KIF27: variants seen among roughly 807,000 people sequenced by gnomAD.
The protein encoded by KIF27 is kinesin family member 27, also known as kinesin-like protein KIF27.
A neutral mutation model predicts 141.8 loss-of-function variants in KIF27; 84 were observed. The ratio of observed to expected loss-of-function variants is 0.59; its 90% CI spans 0.50 to 0.71. The LOEUF is 0.71. Among genes scored for constraint, KIF27 ranks in the 30% least tolerant of loss-of-function variants. KIF27 has a pLI of 0.00. For synonymous variants in KIF27, 471 were observed against 569.5 expected (o/e 0.83, Z 2.46); for missense variants, 1,306 against 1,628.4 (o/e 0.80, Z 3.41).
Position 83,837,424 on chromosome 9 carries a change from T to G in KIF27, c.3783A>C (p.Leu1261Phe). Reference sequence around the variant, plus strand: ...TACTTTCAGGTCTGGATGCCCATTTTAATTCTTCTGAAAGCATGCCTCCTC... The same window carrying G: ...TACTTTCAGGTCTGGATGCCCATTTGAATTCTTCTGAAAGCATGCCTCCTC... Reference protein sequence around the residue: ...PEGGGMLSEELKWASRPESMK... With the variant: ...PEGGGMLSEEFKWASRPESMK... The change falls in exon 18 of 18, where the codon TTA becomes TTC. Residue 1261 changes from leucine (L) to phenylalanine (F), a missense_variant. Leu to Phe is a conservative substitution (Grantham distance 22). This residue lies in a region of KIF27 where 148 missense variants were observed against 250.9 expected (regional missense o/e 0.59). Coordinates refer to ENST00000297814, the MANE Select transcript of KIF27 (RefSeq NM_017576.4). 1 of 1,613,364 alleles carries G rather than the reference T, an allele frequency of 6.2e-7. No individual in the cohort carries two copies. The highest frequency in any genetic ancestry group is 8.5e-7 in the Non-Finnish European group (1 of 1,179,630).
At chr9:83,842,912 T>C (rs539938572) in intron 16 of KIF27, among the ~76,000 whole-genome samples, 1 of 152,270 alleles carries the variant, frequency 6.6e-6, no homozygotes, top group Non-Finnish European at 1.5e-5. Flanking sequence ...TTGAGAGCCC[T>C]TAGTCACCTC....
intron 2 of KIF27, 58 bp downstream of exon 2, chr9:83,915,236 C>A (rs759918310): frequency 5.7e-5 from 81 of 1,430,786 alleles, no homozygotes; most frequent in Non-Finnish European, 7.4e-5. Context: ...AGGTATTGGT[C>A]ATATTTTTGC....
chr9:83,858,883 G>A lies in KIF27; in HGVS notation c.3150+273C>T, dbSNP rs944194429. 57 of 433,666 alleles carry A rather than the reference G, an allele frequency of 1.3e-4. 1 individual carries two copies. The highest frequency in any genetic ancestry group is 9.5e-4 in the African/African-American group (48 of 50,616). 26.9% of individuals were successfully genotyped at this position (433,666 alleles called of 1,614,324 possible). ...TTTCAGACGAGAAACCCCAGCTGAGGAGGCAAATATACTCAAGGAAAGTAA... is the reference window on the plus strand; with the variant it reads ...TTTCAGACGAGAAACCCCAGCTGAGAAGGCAAATATACTCAAGGAAAGTAA... On this transcript the variant is annotated intron_variant, in intron 14 of 17. Transcript: ENST00000297814.
intron 4 of KIF27, among the ~76,000 whole-genome samples, chr9:83,902,432 C>A (rs1339422375): frequency 6.6e-6 from 1 of 152,158 alleles, no homozygotes; most frequent in African/African-American, 2.4e-5. Context: ...ACAATCTTCA[C>A]ACAATAAACA....
At chr9:83,866,459 C>CT (rs1404597824) in intron 13 of KIF27, among the ~76,000 whole-genome samples, 3 of 151,776 alleles carry the variant, frequency 2.0e-5, no homozygotes, top group Admixed American at 2.0e-4. Context: ...TCCATCTTTT[C>CT]TTTTTTTGTA....
At chr9:83,909,539 G>A (rs1226437729) in intron 2 of KIF27, among the ~76,000 whole-genome samples, 1 of 151,800 alleles carries the variant, frequency 6.6e-6, no homozygotes, top group Non-Finnish European at 1.5e-5. Context: ...ACTTGAAGCT[G>A]GGAGGTGGAG....
chr9:83,855,189 C>T (rs903438464), intron 14 of KIF27: 35 of 152,278 alleles, frequency 2.3e-4, no homozygotes, highest in Middle Eastern at 6.8e-3. Flanking sequence ...TGCATGCCAC[C>T]ACGCCTAGCT....
chr9:83,840,151 C>T (rs1345042902), intron 17 of KIF27, among the ~76,000 whole-genome samples: 2 of 151,922 alleles, frequency 1.3e-5, no homozygotes, highest in Admixed American at 1.3e-4. Flanking sequence ...ACTATATCCC[C>T]AATATAATTG....
chr9:83,855,027 G>C (rs1174334052), intron 14 of KIF27: 1 of 152,088 alleles, frequency 6.6e-6, no homozygotes, highest in Non-Finnish European at 1.5e-5. Context: ...AAAATAATAT[G>C]AATATTTCTT....
At chr9:83,890,010 T>C (rs1305083901) in intron 6 of KIF27, among the ~76,000 whole-genome samples, 4 of 152,046 alleles carry the variant, frequency 2.6e-5, no homozygotes, top group Non-Finnish European at 5.9e-5. Flanking sequence ...GCACCATCTC[T>C]GTAACCAAAT....
At chr9:83,903,011 T>A (rs1954090566) in intron 4 of KIF27, 49 bp downstream of exon 4, 1 of 1,171,444 alleles carries the variant, frequency 8.5e-7, no homozygotes, top group African/African-American at 1.6e-5. Context: ...GTACATCTAT[T>A]ATGTATCAAT....
intron 16 of KIF27, among the ~76,000 whole-genome samples, chr9:83,844,104 G>A (rs1356169652): frequency 1.3e-5 from 2 of 152,046 alleles, no homozygotes; most frequent in Non-Finnish European, 2.9e-5. Context: ...TATGAAGCAG[G>A]CAGAAAAAGG....
At chr9:83,896,320 C>T (rs566628886) in intron 5 of KIF27, among the ~76,000 whole-genome samples, 1 of 152,238 alleles carries the variant, frequency 6.6e-6, no homozygotes, top group East Asian at 1.9e-4. Context: ...TGAAGGCTCC[C>T]CACTTGATGG....
intron 16 of KIF27, among the ~76,000 whole-genome samples, chr9:83,848,137 A>ATGATATATC (rs1554764915): frequency 2.4e-5 from 1 of 41,408 alleles, no homozygotes; most frequent in Non-Finnish European, 3.8e-5. Flanking sequence ...TATCTCATAT[A>ATGATATATC]TGATATATCT....
chr9:83,880,158 A>G, intron 11 of KIF27, 139 bp downstream of exon 11: 1 of 1,289,530 alleles, frequency 7.8e-7, no homozygotes, highest in Non-Finnish European at 1.1e-6. Context: ...ACAAAGCTTT[A>G]AAGTGAATAA....
intron 16 of KIF27, chr9:83,849,060 T>C (rs1402038475): frequency 2.0e-5 from 3 of 152,108 alleles, no homozygotes; most frequent in African/African-American, 7.2e-5. Context: ...GCAATCCTCT[T>C]GACTCAGCCT....
At chr9:83,913,198 C>T (rs1243196988) in intron 2 of KIF27, among the ~76,000 whole-genome samples, 5 of 151,958 alleles carry the variant, frequency 3.3e-5, no homozygotes, top group Admixed American at 6.6e-5. Flanking sequence ...CAAAGTGAGA[C>T]TGTCTCTACA....
In KIF27 at chr9:83,859,288, C is replaced by T; in HGVS notation, c.3018G>A (p.Gln1006=). 1 of 1,614,098 alleles carries T rather than the reference C, an allele frequency of 6.2e-7. No homozygotes were observed. Among genetic ancestry groups the T allele is most frequent in the Non-Finnish European group, 8.5e-7 (1 of 1,179,972 alleles). Residue 1006 remains glutamine (Q), a synonymous_variant, in exon 14 of 18, where the codon CAG becomes CAA. Transcript: ENST00000297814. Reference sequence around the variant, plus strand: ...TTGTTTTCTCCTCAGCTGTACTGGTCTGGAGCTGCACATTCTTTTCAGACA... The same window carrying T: ...TTGTTTTCTCCTCAGCTGTACTGGTTTGGAGCTGCACATTCTTTTCAGACA... The part of the protein sequence containing the change: ...QELSEKNVQL[Q]TSTAEEKTKI...
At chr9:83,845,196 C>A (rs34918229) in intron 16 of KIF27, among the ~76,000 whole-genome samples, 26 of 152,188 alleles carry the variant, frequency 1.7e-4, no homozygotes, top group African/African-American at 6.0e-4. Flanking sequence ...TCTTCTGCAG[C>A]TAACTACTCT....
Sources: allele counts gnomAD v4.1 joint callset (sites outside exome capture counted in the v4.1 genomes callset), GRCh38; gene constraint gnomAD v4.1.1; regional missense constraint gnomAD v4.1.1; transcripts MANE v1.5; gene names NCBI Gene and HGNC (gene_info 2026-07-23, HGNC 2026-07-21).